The following VRK2 variants were observed in gnomAD, a reference collection of about 807,000 sequenced individuals.
VRK2 encodes the protein VRK serine/threonine kinase 2.
VRK2 carries 60 observed loss-of-function variants against 57.6 expected under a neutral mutation model. The ratio of observed to expected loss-of-function variants is 1.04; its 90% CI spans 0.85 to 1.29. The LOEUF (loss-of-function observed/expected upper bound fraction) is 1.29, where lower values mean the gene tolerates loss of function less well. Among genes scored for constraint, VRK2 ranks in the 50% most tolerant of loss-of-function variants. The pLI, the probability that VRK2 is intolerant of heterozygous loss-of-function variation, is 0.00. For missense variants in VRK2, 705 were observed against 588.1 expected (o/e 1.20, Z -2.06); for synonymous variants, 231 against 199.2 (o/e 1.16, Z -1.35).
intron 12 of VRK2, among the ~76,000 whole-genome samples, chr2:58,159,069 C>G (rs1558720855): frequency 6.6e-6 from 1 of 152,060 alleles, no homozygotes; most frequent in African/African-American, 2.4e-5. Flanking sequence ...ATATTCTATC[C>G]TATTTATTTT....
chr2:57,921,239 T>C (rs910216827), intron 1 of VRK2, among the ~76,000 whole-genome samples: 2 of 151,972 alleles, frequency 1.3e-5, no homozygotes, highest in Admixed American at 1.3e-4. Flanking sequence ...AGAAGGCATC[T>C]AAGTAATTCC....
chr2:57,933,353 G>A (rs1572877306), intron 1 of VRK2, among the ~76,000 whole-genome samples: 1 of 97,786 alleles, frequency 1.0e-5, no homozygotes, highest in Non-Finnish European at 1.8e-5. Context: ...TCACTCTGTT[G>A]CCAGGCTGGA....
intron 3 of VRK2, among the ~76,000 whole-genome samples, chr2:58,041,503 C>T (rs906499115): frequency 2.6e-5 from 4 of 151,922 alleles, no homozygotes; most frequent in Admixed American, 1.3e-4. Flanking sequence ...TTTGGACTGA[C>T]GAGACAGACT....
intron 7 of VRK2, among the ~76,000 whole-genome samples, chr2:58,119,476 CAA>C (rs35693605): frequency 1.2e-3 from 103 of 87,278 alleles, no homozygotes; most frequent in African/African-American, 4.6e-3. Context: ...GACTCCATCT[CAA>C]AAAAAAAAAA....
intron 12 of VRK2, among the ~76,000 whole-genome samples, chr2:58,157,724 A>G (rs1219847516): frequency 1.3e-5 from 2 of 152,220 alleles, no homozygotes; most frequent in East Asian, 3.8e-4. Context: ...CTCGAAGAAT[A>G]ATGCCGTAGA....
At chr2:58,136,850 CATAT>C (rs1392761177) in intron 10 of VRK2, among the ~76,000 whole-genome samples, 1 of 124,074 alleles carries the variant, frequency 8.1e-6, no homozygotes, top group Admixed American at 8.1e-5. Context: ...TATATTATAT[CATAT>C]ATATGTGTAT....
chr2:58,142,007 T>C (rs1409931778), intron 11 of VRK2, among the ~76,000 whole-genome samples: 1 of 151,954 alleles, frequency 6.6e-6, no homozygotes, highest in Non-Finnish European at 1.5e-5. Context: ...GTTAAGTATT[T>C]AGTTATAGAG....
At chr2:58,106,322 G>A (rs1160260303) in intron 7 of VRK2, among the ~76,000 whole-genome samples, 3 of 152,000 alleles carry the variant, frequency 2.0e-5, no homozygotes, top group African/African-American at 7.2e-5. Flanking sequence ...CCAGAAGTCT[G>A]GAAAGCCTGT....
intron 1 of VRK2, among the ~76,000 whole-genome samples, chr2:58,012,858 A>AATGGTAACT (rs1421427731): frequency 6.6e-6 from 1 of 152,232 alleles, no homozygotes; most frequent in Non-Finnish European, 1.5e-5. Flanking sequence ...TAATAACACT[A>AATGGTAACT]AATATTTTAG....
At chr2:58,147,710 A>C (rs1682370459) in intron 12 of VRK2, among the ~76,000 whole-genome samples, 1 of 151,480 alleles carries the variant, frequency 6.6e-6, no homozygotes, top group African/African-American at 2.4e-5. Context: ...TTTGATTCTC[A>C]TCACTAGATT....
chr2:58,082,920 A>G (rs1360648801), intron 2 of VRK2, among the ~76,000 whole-genome samples: 3 of 151,920 alleles, frequency 2.0e-5, no homozygotes, highest in Admixed American at 6.6e-5. Flanking sequence ...TGTACAATTT[A>G]TATATTTTAA....
intron 1 of VRK2, among the ~76,000 whole-genome samples, chr2:58,003,846 A>G (rs969522941): frequency 6.6e-6 from 1 of 152,162 alleles, no homozygotes; most frequent in Non-Finnish European, 1.5e-5. Flanking sequence ...ATAATTTACA[A>G]AATTTTAACT....
At chr2:58,021,512 C>A (rs1673755174) in intron 1 of VRK2, among the ~76,000 whole-genome samples, 1 of 152,148 alleles carries the variant, frequency 6.6e-6, no homozygotes, top group Non-Finnish European at 1.5e-5. Flanking sequence ...ATACTGCAGA[C>A]AACAAATTAG....
intron 2 of VRK2, among the ~76,000 whole-genome samples, chr2:58,083,474 G>A (rs1000428326): frequency 5.3e-5 from 8 of 151,796 alleles, no homozygotes; most frequent in Admixed American, 5.3e-4. Flanking sequence ...ATTAAATGAA[G>A]TAAGGTAACT....
chr2:57,934,763 T>TC (rs983181021), intron 1 of VRK2, among the ~76,000 whole-genome samples: 1 of 152,136 alleles, frequency 6.6e-6, no homozygotes, highest in Non-Finnish European at 1.5e-5. Context: ...TCCTTCTCAT[T>TC]CTTTTTTTTC....
intron 1 of VRK2, among the ~76,000 whole-genome samples, chr2:57,956,000 TAA>T (rs1671575368): frequency 6.6e-6 from 1 of 152,078 alleles, no homozygotes; most frequent in Admixed American, 6.6e-5. Context: ...AACTTGAAAA[TAA>T]AAGTGTCCTA....
chr2:57,921,451 G>C (rs1238496213), intron 1 of VRK2, among the ~76,000 whole-genome samples: 1 of 151,866 alleles, frequency 6.6e-6, no homozygotes, highest in Non-Finnish European at 1.5e-5. Flanking sequence ...GATCCTCCTG[G>C]GGATTGTCTG....
At chr2:58,020,910 G>A (rs72810305) in intron 1 of VRK2, among the ~76,000 whole-genome samples, 12,243 of 152,178 alleles carry the variant, frequency 0.08, 542 homozygotes, top group East Asian at 0.11. Context: ...AGACCCCTTT[G>A]ATAGTCTAGG....
At chr2:58,035,776 T>C (rs1420666476) in intron 3 of VRK2, among the ~76,000 whole-genome samples, 3 of 152,042 alleles carry the variant, frequency 2.0e-5, no homozygotes, top group Non-Finnish European at 4.4e-5. Flanking sequence ...ATCATTCTAT[T>C]TTATAAGTGA....
Sources: allele counts gnomAD v4.1 joint callset (sites outside exome capture counted in the v4.1 genomes callset), GRCh38; gene constraint gnomAD v4.1.1; transcripts MANE v1.5; gene names NCBI Gene and HGNC (gene_info 2026-07-23, HGNC 2026-07-21).